Variants in C3orf52 observed in about 807,000 individuals in gnomAD.
The protein encoded by C3orf52 is chromosome 3 open reading frame 52, also known as TPA-induced transmembrane protein.
In C3orf52, 22 loss-of-function variants were observed where a neutral mutation model predicts 24.8. The ratio of observed to expected loss-of-function variants is 0.89; its 90% CI spans 0.63 to 1.27. The LOEUF is 1.27. Ranked by LOEUF, C3orf52 falls within the 50% of genes most tolerant of loss-of-function variation. C3orf52 has a pLI of 0.00. For synonymous variants in C3orf52, 93 were observed against 100.2 expected (o/e 0.93, Z 0.43); for missense variants, 265 against 260.7 (o/e 1.02, Z -0.11).
rs915432414 is a variant in C3orf52 at position 112,124,807 on chromosome 3, G to A, written c.*47-3426G>A. 2.8e-4 allele frequency among the ~76,000 whole-genome samples: 43 copies of A among 152,182 alleles called. 1 individual carries two copies. The highest frequency in any genetic ancestry group is 1.3e-4 in the Admixed American group (2 of 15,278). On this transcript the variant is annotated intron_variant, in intron 4 of 4. Transcript: ENST00000480282. ...GGGAAAAGCATGGATTGTGAAGTGA[G>A]ACTTGGTTTTGAATCCTGGTTCCGC...
rs2073825498 is a variant in C3orf52 at position 112,086,425 on chromosome 3, C to T, written c.18C>T (p.Pro6=). The stretch of plus-strand genomic sequence containing the variant: ...GCCGGCACATGGACCTGGCCCAACC[C>T]TCACAGCCAGTAGACGAGCTGGAGC... The part of the protein sequence containing the change: MDLAQ[P]SQPVDELELS... The change falls in exon 1 of 6, where the codon CCC becomes CCT. Residue 6 remains proline (P), a synonymous_variant. Transcript: ENST00000264848. 1 of 1,550,746 alleles carries T rather than the reference C, an allele frequency of 6.4e-7. No homozygotes were observed. Among genetic ancestry groups the T allele is most frequent in the Non-Finnish European group, 8.7e-7 (1 of 1,146,464 alleles).
Position 112,102,465 on chromosome 3 carries a change from T to G in C3orf52, c.269-373T>G, listed in dbSNP as rs968190216. Among the ~76,000 whole-genome samples the G allele has an allele frequency of 3.3e-5, 5 of 152,302 alleles. No homozygotes were observed. The East Asian group carries it at 9.7e-4, about 29-fold the overall frequency. Reference sequence around the variant, plus strand: ...CACACCCTGGGGCTCTGAGTGTAGTTTAGCCACCCCCACCGTCTCCCAGTA... The same window carrying G: ...CACACCCTGGGGCTCTGAGTGTAGTGTAGCCACCCCCACCGTCTCCCAGTA... On this transcript the variant is annotated intron_variant, in intron 2 of 5. Transcript: ENST00000264848.
At chr3:112,097,746 C>T (rs2073938249) in intron 2 of C3orf52, among the ~76,000 whole-genome samples, 1 of 152,164 alleles carries the variant, frequency 6.6e-6, no homozygotes, top group Non-Finnish European at 1.5e-5. Context: ...ACCTGTTTAT[C>T]TTTTCTTCAA....
At chr3:112,114,580 T>C (rs1405406456) in intron 5 of C3orf52, among the ~76,000 whole-genome samples, 1 of 151,884 alleles carries the variant, frequency 6.6e-6, no homozygotes, top group Non-Finnish European at 1.5e-5. Context: ...GGCAGGTGCT[T>C]ATAATCCCAG....
At chr3:112,089,320 G>A (rs1164945727) in intron 1 of C3orf52, among the ~76,000 whole-genome samples, 1 of 152,094 alleles carries the variant, frequency 6.6e-6, no homozygotes, top group Non-Finnish European at 1.5e-5. Flanking sequence ...GAGGTTGGGA[G>A]TTCGAGACCA....
At position 112,123,775 on chromosome 3, in the gene C3orf52, G is replaced by T. The variant is rs768603802; in HGVS notation, c.*46+4213G>T. The T allele has an allele frequency of 5.6e-6, 9 of 1,603,636 alleles. No homozygotes were observed. In the East Asian group the frequency reaches 1.8e-4, roughly 32 times the overall value. Reference sequence around the variant, plus strand: ...GAGTAGGTCTGGTCAACATTGTCCTGCTTGTCAAAGAAGAACCATCATCAA... The same window carrying T: ...GAGTAGGTCTGGTCAACATTGTCCTTCTTGTCAAAGAAGAACCATCATCAA... On this transcript the variant is annotated intron_variant, in intron 4 of 4. Transcript: ENST00000480282.
At position 112,086,450 on chromosome 3, in the gene C3orf52, C is replaced by T. The variant is rs1413131793; in HGVS notation, c.43C>T (p.Leu15Phe). The stretch of plus-strand genomic sequence containing the variant: ...CTCACAGCCAGTAGACGAGCTGGAG[C>T]TCTCGGTGCTCGAGCGGCAGCCAGA... ...QPSQPVDELELSVLERQPEEN... is the reference protein window; with the variant it reads ...QPSQPVDELEFSVLERQPEEN... The change falls in exon 1 of 6, where the codon CTC becomes TTC. Residue 15 changes from leucine to phenylalanine, a missense_variant. Coordinates refer to ENST00000264848, the MANE Select transcript of C3orf52 (RefSeq NM_024616.3). The T allele has an allele frequency of 3.2e-6, 5 of 1,551,438 alleles. No individual in the cohort carries two copies. In the East Asian group the frequency reaches 7.3e-5, roughly 23 times the overall value.
intron 2 of C3orf52, among the ~76,000 whole-genome samples, chr3:112,097,535 G>A (rs914792419): frequency 2.0e-5 from 3 of 152,160 alleles, no homozygotes; most frequent in Admixed American, 6.5e-5. Context: ...CCTTTCAGTT[G>A]TGAATAAGAG....
At chr3:112,092,688 C>T (rs1361469098) in intron 1 of C3orf52, among the ~76,000 whole-genome samples, 1 of 152,148 alleles carries the variant, frequency 6.6e-6, no homozygotes, top group African/African-American at 2.4e-5. Flanking sequence ...TTTTCATTGA[C>T]CCCTCCTCTG....
intron 4 of C3orf52, chr3:112,123,393 G>A: frequency 6.4e-7 from 1 of 1,570,860 alleles, no homozygotes; most frequent in Non-Finnish European, 8.6e-7. Flanking sequence ...CCTGCTTCAG[G>A]CAGATCCCCC....
chr3:112,127,107 C>G, intron 4 of C3orf52: 1 of 955,336 alleles, frequency 1.0e-6, no homozygotes, highest in Admixed American at 2.2e-5. Context: ...GCCTACAAAA[C>G]TTACTTTTAA....
chr3:112,096,222 A>G (rs528294712), intron 2 of C3orf52, among the ~76,000 whole-genome samples: 1 of 152,348 alleles, frequency 6.6e-6, no homozygotes, highest in East Asian at 1.9e-4. Context: ...AAGGCTGAGG[A>G]AGCTGAGAGG....
At position 112,117,180 on chromosome 3, in the gene C3orf52, A is replaced by AC; in HGVS notation, c.*534_*535insC. The AC allele has an allele frequency of 1.8e-6, 1 of 555,362 alleles. No individual in the cohort carries two copies. Among genetic ancestry groups the AC allele is most frequent in the Non-Finnish European group, 3.2e-6 (1 of 313,896 alleles). The allele number at this position is 555,362 out of a possible 1,614,324, so 34.4% of individuals were successfully genotyped here. A position where few individuals can be genotyped will look rare whatever the true frequency, so the allele number is the denominator to read the frequency against. On this transcript the variant is annotated 3_prime_UTR_variant, in exon 6 of 6. Transcript: ENST00000264848. ...GAAGACTAAGCCAATTATTCACTGA[A>AC]GTCATCCTCCTCCCCCCCACCATTC...
chr3:112,122,049 A>G (rs2074211660), downstream of C3orf52: 1 of 152,246 alleles, frequency 6.6e-6, no homozygotes, highest in Non-Finnish European at 1.5e-5. Flanking sequence ...AGTGGAAGAC[A>G]CAGGTGTGAA....
Position 112,102,900 on chromosome 3 carries a change from A to G in C3orf52, c.331A>G (p.Ile111Val), listed in dbSNP as rs16859190. The part of the protein sequence containing the change: ...LELSSNKTFF[I>V]MLKIPEECVA... ...ATTATCATCAAACAAAACATTCTTC[A>G]TCATGCTGAAGATTCCAGAGGAGTG... The change falls in exon 3 of 6, where the codon ATC (isoleucine) becomes GTC (valine). Residue 111 changes from isoleucine to valine, a missense_variant. Physicochemically the swap from Ile to Val is conservative, Grantham distance 29. Transcript: ENST00000264848. 0.048 allele frequency: 77,414 copies of G among 1,606,750 alleles called. 3,659 individuals are homozygous for G. Among genetic ancestry groups the G allele is most frequent in the African/African-American group, 0.24 (17,980 of 74,880 alleles).
At chr3:112,135,807 A>G (rs993483189), downstream of C3orf52, among the ~76,000 whole-genome samples, 1 of 152,070 alleles carries the variant, frequency 6.6e-6, no homozygotes, top group Non-Finnish European at 1.5e-5. Context: ...CATGTAAAGG[A>G]AGGTCACAAC....
intron 4 of C3orf52, among the ~76,000 whole-genome samples, chr3:112,126,222 G>T (rs1167978131): frequency 6.6e-6 from 1 of 152,162 alleles, no homozygotes; most frequent in Non-Finnish European, 1.5e-5. Context: ...GTGGGAGGCT[G>T]TATTATTCAT....
At chr3:112,101,052 G>A (rs2107780645) in intron 2 of C3orf52, among the ~76,000 whole-genome samples, 2 of 152,138 alleles carry the variant, frequency 1.3e-5, no homozygotes, top group South Asian at 4.2e-4. Flanking sequence ...TTGCTATGAA[G>A]GCGTAACTTT....
intron 4 of C3orf52, among the ~76,000 whole-genome samples, chr3:112,112,642 G>T (rs893133445): frequency 1.3e-5 from 2 of 152,138 alleles, no homozygotes; most frequent in African/African-American, 4.8e-5. Context: ...TGGGACAGAT[G>T]GTGGGTCAAG....
Sources: allele counts gnomAD v4.1 joint callset (sites outside exome capture counted in the v4.1 genomes callset), GRCh38; gene constraint gnomAD v4.1.1; transcripts MANE v1.5; gene names NCBI Gene and HGNC (gene_info 2026-07-23, HGNC 2026-07-21).